The following THBS4 variants were observed in gnomAD, a reference collection of about 807,000 sequenced individuals.
THBS4 encodes thrombospondin-4.
Under a neutral mutation model 115.7 loss-of-function variants are expected in THBS4, and 90 were observed. The observed-to-expected ratio is 0.78, with a 90% CI of 0.66 to 0.93. The LOEUF is 0.93. THBS4 is among the 40% of genes least tolerant of loss of function. THBS4 has a pLI of 0.00. For synonymous variants in THBS4, 460 were observed against 479.3 expected (o/e 0.96, Z 0.53); for missense variants, 1,087 against 1,232.7 (o/e 0.88, Z 1.77).
upstream of THBS4, chr5:80,033,265 A>C (rs1236508117): frequency 7.8e-6 from 3 of 382,594 alleles, no homozygotes; most frequent in Non-Finnish European, 5.3e-6. Context: ...GCCCTCCAAC[A>C]CATCTACCTC....
At position 80,068,120 on chromosome 5, in the gene THBS4, T is replaced by C. The variant is rs1833902478; in HGVS notation, c.1342T>C (p.Cys448Arg). ...TGAAGAGAGGCAGGGGGATGTGACA[T>C]GTGTGGTAAGTTGTTTTTTGACTTC... ...CIEERQGDVTCVCGVGWAGDG... is the reference protein window; with the variant it reads ...CIEERQGDVTRVCGVGWAGDG... Residue 448 changes from cysteine to arginine, a missense_variant, in exon 10 of 22, where the codon TGT becomes CGT. Cys to Arg is a radical substitution (Grantham distance 180, BLOSUM62 -3). Coordinates refer to ENST00000350881, the MANE Select transcript of THBS4 (RefSeq NM_003248.6). The C allele has an allele frequency of 1.2e-6, 2 of 1,613,668 alleles. No homozygotes were observed. The highest frequency in any genetic ancestry group is 1.7e-6 in the Non-Finnish European group (2 of 1,179,902).
intron 2 of THBS4, among the ~76,000 whole-genome samples, chr5:80,044,504 C>A (rs1832999228): frequency 6.6e-6 from 1 of 152,112 alleles, no homozygotes; most frequent in Admixed American, 6.5e-5. Context: ...CTCACTGCAG[C>A]CTCTGCCTCC....
Position 80,040,215 on chromosome 5 carries a change from G to A in THBS4, c.227G>A (p.Gly76Asp), listed in dbSNP as rs1580934918. Residue 76 changes from glycine (G) to aspartate (D), a missense_variant, in exon 2 of 22, where the codon GGT becomes GAT. Gly to Asp is a moderately conservative substitution (Grantham distance 94). This residue lies in a region of THBS4 where 979 missense variants were observed against 1,103.7 expected (regional missense o/e 0.89). Transcript: ENST00000350881. ...ACTAAAAGTTCAGCCACCATCTTCG[G>A]TCTTTACTCTTCAACTGACAACAGT... ...LQTKSSATIF[G>D]LYSSTDNSKY... The A allele has an allele frequency of 6.2e-7, 1 of 1,614,070 alleles. No individual in the cohort carries two copies. Among genetic ancestry groups the A allele is most frequent in the East Asian group, 2.2e-5 (1 of 44,878 alleles).
chr5:80,070,569 G>A (rs1834004647), intron 11 of THBS4, 74 bp from the exon 12 acceptor site: 2 of 1,464,546 alleles, frequency 1.4e-6, no homozygotes, highest in South Asian at 1.1e-5. Flanking sequence ...AAGCCACAGT[G>A]TCTTGAGGTC....
chr5:80,073,006 T>C (rs561535416), intron 14 of THBS4, among the ~76,000 whole-genome samples: 1 of 152,322 alleles, frequency 6.6e-6, no homozygotes, highest in African/African-American at 2.4e-5. Context: ...TGCCTCCACC[T>C]GCCACCATGC....
intron 2 of THBS4, among the ~76,000 whole-genome samples, chr5:80,019,090 A>C: frequency 6.8e-6 from 1 of 146,708 alleles, no homozygotes; most frequent in African/African-American, 2.5e-5. Flanking sequence ...TGCATTTCTC[A>C]CTGGCTCAAC....
upstream of THBS4, chr5:80,035,258 G>A (rs994959057): frequency 1.3e-5 from 2 of 155,662 alleles, no homozygotes; most frequent in East Asian, 1.9e-4. This position sits in a 1 kb window ranked among gnomAD's most constrained non-coding sequence, Gnocchi z 4.6. Context: ...CTCTTCCCAG[G>A]ACAGGGGATC....
chr5:80,082,365 G>T, intron 20 of THBS4, 41 bp from the exon 21 acceptor site: 1 of 1,609,170 alleles, frequency 6.2e-7, no homozygotes, highest in Non-Finnish European at 8.5e-7. Flanking sequence ...TTTACCCCGG[G>T]TTGGATTTCA....
intron 2 of THBS4, among the ~76,000 whole-genome samples, chr5:80,011,130 A>G (rs1832116580): frequency 6.6e-6 from 1 of 152,180 alleles, no homozygotes; most frequent in African/African-American, 2.4e-5. Context: ...CAGTTTTAAA[A>G]GGGGGAATTT....
At chr5:80,047,054 A>G (rs1305244499) in intron 2 of THBS4, among the ~76,000 whole-genome samples, 1 of 152,260 alleles carries the variant, frequency 6.6e-6, no homozygotes, top group Non-Finnish European at 1.5e-5. Context: ...ATCTGTCCTA[A>G]GAGTTCTCTA....
At chr5:80,049,868 C>A (rs2112066094) in intron 2 of THBS4, among the ~76,000 whole-genome samples, 1 of 152,322 alleles carries the variant, frequency 6.6e-6, no homozygotes. Context: ...GAAGTTCAAT[C>A]TCTCAGTCCA....
intron 2 of THBS4, among the ~76,000 whole-genome samples, chr5:80,050,033 G>C (rs2112066770): frequency 6.6e-6 from 1 of 152,246 alleles, no homozygotes; most frequent in South Asian, 2.1e-4. Flanking sequence ...CTGCATTCTG[G>C]GTACTAACCC....
chr5:80,041,881 ACTCT>A (rs1832914461), intron 2 of THBS4, among the ~76,000 whole-genome samples: 1 of 152,250 alleles, frequency 6.6e-6, no homozygotes, highest in Admixed American at 6.5e-5. Flanking sequence ...AGTGCTTCAA[ACTCT>A]CTCTTAGATT....
chr5:80,049,726 G>A (rs9293799), intron 2 of THBS4, among the ~76,000 whole-genome samples: 3 of 152,130 alleles, frequency 2.0e-5, no homozygotes, highest in African/African-American at 7.2e-5. Context: ...GGGACTTAAG[G>A]TGGTGGGAAG....
In THBS4 at chr5:80,040,241, A is replaced by T; in HGVS notation, c.253A>T (p.Lys85Ter). 6.2e-7 allele frequency: 1 copy of T among 1,614,098 alleles called. No homozygotes were observed. The highest frequency in any genetic ancestry group is 8.5e-7 in the Non-Finnish European group (1 of 1,179,978). The change falls in exon 2 of 22, where the codon AAA becomes TAA. Residue 85 changes from lysine (K) to a stop codon, truncating the protein, a stop_gained. Transcript: ENST00000350881. LOFTEE classifies it high-confidence loss of function. ...FGLYSSTDNS[K>*]YFEFTVMGRL... ...TCTTTACTCTTCAACTGACAACAGT[A>T]AATATTTTGAATTTACTGTGATGGG...
chr5:80,049,623 AT>A (rs1012855571), intron 2 of THBS4, among the ~76,000 whole-genome samples: 9 of 151,826 alleles, frequency 5.9e-5, no homozygotes, highest in Admixed American at 5.9e-4. Flanking sequence ...TATTTTATCT[AT>A]TTTTTTTCAC....
At chr5:80,012,749 A>G (rs1416235239) in intron 2 of THBS4, among the ~76,000 whole-genome samples, 1 of 152,180 alleles carries the variant, frequency 6.6e-6, no homozygotes, top group Non-Finnish European at 1.5e-5. Context: ...TACACCTAAT[A>G]AGAAAGCCTC....
chr5:80,072,399 T>TAGTA lies in THBS4; in HGVS notation c.1839+4_1839+7dup, dbSNP rs1488117247. The TAGTA allele has an allele frequency of 6.2e-7, 1 of 1,612,194 alleles. No individual in the cohort carries two copies. The highest frequency in any genetic ancestry group is 8.5e-7 in the Non-Finnish European group (1 of 1,178,386). ...CTGATGTCAGCAACCCTAACCAGGT[T>TAGTA]AGTAGGATACTGGGGAATTCAAACT... On this transcript the variant is annotated splice_donor_region_variant and intron_variant, in intron 14 of 21. Coordinates refer to ENST00000350881, the MANE Select transcript of THBS4 (RefSeq NM_003248.6).
chr5:80,037,365 T>C (rs2112021996), intron 1 of THBS4, among the ~76,000 whole-genome samples: 1 of 152,330 alleles, frequency 6.6e-6, no homozygotes, highest in South Asian at 2.1e-4. Flanking sequence ...ATAATTTGAT[T>C]ATCTCCTTCT....
Sources: allele counts gnomAD v4.1 joint callset (sites outside exome capture counted in the v4.1 genomes callset), GRCh38; gene constraint gnomAD v4.1.1; regional missense constraint gnomAD v4.1.1; non-coding constraint Gnocchi (gnomAD v3.1); transcripts MANE v1.5; gene names NCBI Gene and HGNC (gene_info 2026-07-23, HGNC 2026-07-21).